Variants in DZIP3 observed in about 807,000 individuals in gnomAD.
DZIP3 encodes the protein E3 ubiquitin-protein ligase DZIP3.
Under a neutral mutation model 162.0 loss-of-function variants are expected in DZIP3, and 118 were observed. The observed-to-expected ratio is 0.73, with a 90% confidence interval of 0.63 to 0.85. The LOEUF (loss-of-function observed/expected upper bound fraction) is 0.85. Ranked by LOEUF, DZIP3 falls within the 40% of genes least tolerant of loss-of-function variation. DZIP3 has a pLI of 0.00. For missense variants in DZIP3, 1,331 were observed against 1,407.0 expected (o/e 0.95, Z 0.86); for synonymous variants, 438 against 458.6 (o/e 0.96, Z 0.57).
At chr3:108,683,800 A>C (rs1944405000) in intron 26 of DZIP3, among the ~76,000 whole-genome samples, 1 of 152,158 alleles carries the variant, frequency 6.6e-6, no homozygotes, top group Admixed American at 6.6e-5. Flanking sequence ...GAAATTTCTG[A>C]GTATCAATAT....
At chr3:108,670,205 A>C (rs1310691151) in intron 22 of DZIP3, among the ~76,000 whole-genome samples, 2 of 151,892 alleles carry the variant, frequency 1.3e-5, no homozygotes, top group Non-Finnish European at 2.9e-5. Context: ...ATTGATTTAG[A>C]ATATTCACAG....
chr3:108,673,612 T>TA (rs2107358431), intron 23 of DZIP3, among the ~76,000 whole-genome samples: 1 of 152,020 alleles, frequency 6.6e-6, no homozygotes, highest in Non-Finnish European at 1.5e-5. Context: ...CTACGTAATC[T>TA]CCCAAGCCCG....
At chr3:108,646,736 A>G (rs1942638364) in intron 15 of DZIP3, 87 bp downstream of exon 15, 6 of 1,014,274 alleles carry the variant, frequency 5.9e-6, no homozygotes, top group Middle Eastern at 3.2e-4. Context: ...AAACTAAATG[A>G]TAAACTATAA....
At chr3:108,679,698 A>G (rs1576464013) in intron 26 of DZIP3, among the ~76,000 whole-genome samples, 1 of 152,122 alleles carries the variant, frequency 6.6e-6, no homozygotes, top group Non-Finnish European at 1.5e-5. Flanking sequence ...GTGAAGAGCT[A>G]TGTTGATCTT....
chr3:108,608,020 C>T (rs1033519076), intron 2 of DZIP3, 69 bp from the exon 3 acceptor site: 7 of 1,290,130 alleles, frequency 5.4e-6, no homozygotes, highest in Non-Finnish European at 5.6e-6. Flanking sequence ...TTGTTAGATT[C>T]TTTACTACTA....
At chr3:108,649,425 T>C (rs1942769816) in intron 17 of DZIP3, among the ~76,000 whole-genome samples, 1 of 151,836 alleles carries the variant, frequency 6.6e-6, no homozygotes, top group Non-Finnish European at 1.5e-5. Flanking sequence ...ACTTCTTGCG[T>C]TGCTGCTTCT....
chr3:108,613,515 T>C (rs973873177), intron 4 of DZIP3, among the ~76,000 whole-genome samples: 1 of 152,066 alleles, frequency 6.6e-6, no homozygotes, highest in African/African-American at 2.4e-5. Flanking sequence ...AATGATAAGA[T>C]GATAAAAATA....
At chr3:108,590,745 C>G (rs1283770851) in intron 1 of DZIP3, among the ~76,000 whole-genome samples, 1 of 152,234 alleles carries the variant, frequency 6.6e-6, no homozygotes, top group African/African-American at 2.4e-5. Context: ...CTTACAGATT[C>G]TAGCTCCACC....
At chr3:108,659,227 G>A (rs1340355057) in intron 19 of DZIP3, among the ~76,000 whole-genome samples, 11 of 152,008 alleles carry the variant, frequency 7.2e-5, no homozygotes, top group African/African-American at 1.4e-4. Context: ...GATGAACATC[G>A]ATGCAAAAAT....
At chr3:108,608,001 A>T in intron 2 of DZIP3, 88 bp from the exon 3 acceptor site, 1 of 1,161,368 alleles carries the variant, frequency 8.6e-7, no homozygotes, top group Non-Finnish European at 1.3e-6. Flanking sequence ...CTTTCAGACA[A>T]TAATTCAATT....
chr3:108,630,562 G>T (rs1231888941), intron 8 of DZIP3, among the ~76,000 whole-genome samples: 1 of 151,902 alleles, frequency 6.6e-6, no homozygotes, highest in Non-Finnish European at 1.5e-5. Flanking sequence ...ACAGCTTTTG[G>T]CATTGTCAAG....
intron 18 of DZIP3, among the ~76,000 whole-genome samples, chr3:108,653,507 G>GTGTATATACATATATATA (rs1273159630): frequency 1.9e-5 from 2 of 104,602 alleles, no homozygotes; most frequent in African/African-American, 6.7e-5. Flanking sequence ...GTGTGTGTGT[G>GTGTATATACATATATATA]TATATATATA....
chr3:108,635,763 T>C (rs939593316), intron 10 of DZIP3, among the ~76,000 whole-genome samples: 1 of 150,988 alleles, frequency 6.6e-6, no homozygotes, highest in Admixed American at 6.6e-5. Context: ...CAAAGCCCAG[T>C]TCTGAATTAA....
At position 108,661,891 on chromosome 3, in the gene DZIP3, A is replaced by G; in HGVS notation, c.2214A>G (p.Lys738=). 2.5e-6 allele frequency: 4 copies of G among 1,613,708 alleles called. No individual in the cohort carries two copies. The highest frequency in any genetic ancestry group is 3.4e-6 in the Non-Finnish European group (4 of 1,179,826). The change falls in exon 20 of 33, where the codon AAA becomes AAG. Residue 738 remains lysine (K), a synonymous_variant. Coordinates refer to ENST00000361582, the MANE Select transcript of DZIP3 (RefSeq NM_014648.4). ...GTGCTCAATAGGGCTCAGCTGGCAA[A>G]GTAACTACAGACTATGGAGAAACTG... ...LDMIEQGSAG[K]VTTDYGETEK...
chr3:108,591,622 C>A (rs1939424916), intron 1 of DZIP3, among the ~76,000 whole-genome samples: 1 of 152,186 alleles, frequency 6.6e-6, no homozygotes, highest in Non-Finnish European at 1.5e-5. Flanking sequence ...TGTGATAAGT[C>A]TTGACATTTT....
chr3:108,690,944 T>C (rs1208435190), intron 32 of DZIP3, 41 bp downstream of exon 32: 2 of 1,539,588 alleles, frequency 1.3e-6, no homozygotes, highest in African/African-American at 1.4e-5. Context: ...TTTCTTTTAT[T>C]ATGAGCTGCT....
intron 8 of DZIP3, 54 bp downstream of exon 8, chr3:108,629,230 C>A: frequency 8.8e-7 from 1 of 1,136,778 alleles, no homozygotes; most frequent in Non-Finnish European, 1.3e-6. Context: ...GAATAACCAA[C>A]TATATCATAT....
chr3:108,616,504 G>T (rs1320048126), intron 4 of DZIP3, 37 bp from the exon 5 acceptor site: 1 of 1,393,606 alleles, frequency 7.2e-7, no homozygotes. Context: ...TGTTTGTTCA[G>T]ACTTATAGAC....
intron 14 of DZIP3, 121 bp downstream of exon 14, chr3:108,644,902 A>G (rs1942557973): frequency 2.3e-6 from 2 of 861,288 alleles, no homozygotes; most frequent in Non-Finnish European, 3.5e-6. Context: ...AAATGGACTC[A>G]TCAGGAAGGT....
Sources: allele counts gnomAD v4.1 joint callset (sites outside exome capture counted in the v4.1 genomes callset), GRCh38; gene constraint gnomAD v4.1.1; transcripts MANE v1.5; gene names NCBI Gene and HGNC (gene_info 2026-07-23, HGNC 2026-07-21).